HDAC9: variants seen among roughly 807,000 people sequenced by gnomAD.
The protein encoded by HDAC9 is MEF-2 interacting transcription repressor (MITR) protein.
Under a neutral mutation model 139.4 loss-of-function variants are expected in HDAC9, and 41 were observed. That is an observed-to-expected ratio of 0.29 (90% CI 0.23 to 0.38). HDAC9 has a LOEUF of 0.38. HDAC9 is among the 10% of genes least tolerant of loss of function. The probability of loss-of-function intolerance (pLI) is 1.00; values close to 1 mark genes in which losing one functional copy is unlikely to be tolerated. For missense variants in HDAC9, 1,147 were observed against 1,297.0 expected, an observed-to-expected ratio of 0.88 and a Z score of 1.78; for synonymous variants, 517 against 476.2, an observed-to-expected ratio of 1.09 and a Z score of -1.12.
At chr7:18,388,178 T>G (rs1318366188) in intron 1 of HDAC9, among the ~76,000 whole-genome samples, 1 of 152,222 alleles carries the variant, frequency 6.6e-6, no homozygotes, top group African/African-American at 2.4e-5. Context: ...CCCTGCTATA[T>G]TTGTACGTGT....
intron 22 of HDAC9, among the ~76,000 whole-genome samples, chr7:18,924,272 T>C (rs1804015265): frequency 6.6e-6 from 1 of 152,124 alleles, no homozygotes; most frequent in Non-Finnish European, 1.5e-5. Flanking sequence ...AAATCATCAA[T>C]AACAAATGTA....
intron 21 of HDAC9, among the ~76,000 whole-genome samples, chr7:18,855,311 A>G (rs1312823146): frequency 6.6e-6 from 1 of 152,182 alleles, no homozygotes; most frequent in Admixed American, 6.6e-5. Context: ...AGGGAGTTGG[A>G]AAGATTGACT....
chr7:18,526,289 C>T lies in HDAC9; in HGVS notation c.22+29965C>T, dbSNP rs143312480. ...ACTGATATACAAGTCTCCCCATTGA[C>T]CACCCCCAATGCCAAAAAGAAGCAT... On this transcript the variant is annotated intron_variant, in intron 2 of 25. Transcript: ENST00000686413. Among the ~76,000 whole-genome samples, 790 of 152,202 alleles carry T rather than the reference C, an allele frequency of 5.2e-3. 6 individuals are homozygous for T. The highest frequency in any genetic ancestry group is 8.6e-3 in the Admixed American group (132 of 15,278).
chr7:18,133,864 T>C (rs985393646), intron 1 of HDAC9, among the ~76,000 whole-genome samples: 4 of 152,076 alleles, frequency 2.6e-5, no homozygotes, highest in Non-Finnish European at 5.9e-5. Context: ...TACTTTCTTA[T>C]TTGCTTGCTT....
intron 21 of HDAC9, among the ~76,000 whole-genome samples, chr7:18,844,777 G>A (rs1395264732): frequency 2.6e-5 from 4 of 152,128 alleles, no homozygotes; most frequent in African/African-American, 9.7e-5. Context: ...AGAGATCTGG[G>A]TTTCTTATCC....
Position 18,994,949 on chromosome 7 carries a change from A to T in HDAC9, c.3171-1074A>T, listed in dbSNP as rs370167002. Among the ~76,000 whole-genome samples, 7 of 152,306 alleles carry T rather than the reference A, an allele frequency of 4.6e-5. No homozygotes were observed. In the East Asian group the frequency reaches 9.6e-4, roughly 21 times the overall value. On this transcript the variant is annotated intron_variant, in intron 25 of 25. Transcript: ENST00000686413. Reference sequence around the variant, plus strand: ...CGCTACCTAGAGAGAAGCATCATCCAAATATTTTTTCCTTCTGGTAGCAAA... The same window carrying T: ...CGCTACCTAGAGAGAAGCATCATCCTAATATTTTTTCCTTCTGGTAGCAAA...
At chr7:18,939,855 A>G (rs968568510) in intron 23 of HDAC9, among the ~76,000 whole-genome samples, 1 of 152,216 alleles carries the variant, frequency 6.6e-6, no homozygotes, top group Non-Finnish European at 1.5e-5. Context: ...TAAAGCTTGA[A>G]CTTAAAACAT....
chr7:18,791,248 G>A lies in HDAC9; in HGVS notation c.2215-2097G>A, dbSNP rs141448538. Among the ~76,000 whole-genome samples, 1,323 of 152,222 alleles carry A rather than the reference G, an allele frequency of 8.7e-3. 13 individuals carry two copies. The highest frequency in any genetic ancestry group is 0.023 in the South Asian group (113 of 4,822). ...TCCAAAGTTGAGTAAAAAGGGCTTA[G>A]GAATTTTACATGGTTCTTGAGTCAC... On this transcript the variant is annotated intron_variant, in intron 16 of 25. Coordinates refer to ENST00000686413, the MANE Select transcript of HDAC9 (RefSeq NM_178425.4).
chr7:18,319,324 A>C (rs1032558533), intron 1 of HDAC9, among the ~76,000 whole-genome samples: 1 of 152,184 alleles, frequency 6.6e-6, no homozygotes, highest in Non-Finnish European at 1.5e-5. Flanking sequence ...TATGCATTTA[A>C]ACATAAACTA....
At chr7:18,337,363 A>G (rs1444362830) in intron 1 of HDAC9, among the ~76,000 whole-genome samples, 2 of 151,712 alleles carry the variant, frequency 1.3e-5, no homozygotes, top group African/African-American at 2.4e-5. Context: ...GAGTAAGATG[A>G]TTATTTTTCT....
At chr7:18,321,283 C>A (rs1027570386) in intron 1 of HDAC9, among the ~76,000 whole-genome samples, 1 of 152,184 alleles carries the variant, frequency 6.6e-6, no homozygotes, top group East Asian at 1.9e-4. Context: ...CCTTCAGAAC[C>A]TTCATACTCT....
chr7:18,462,976 C>T (rs1793976450), intron 1 of HDAC9, among the ~76,000 whole-genome samples: 1 of 151,982 alleles, frequency 6.6e-6, no homozygotes, highest in Admixed American at 6.6e-5. Context: ...TATAGTCCTA[C>T]TGGTACTGTA....
At chr7:18,749,944 G>A (rs1283190270) in intron 14 of HDAC9, among the ~76,000 whole-genome samples, 1 of 151,998 alleles carries the variant, frequency 6.6e-6, no homozygotes, top group East Asian at 1.9e-4. Context: ...CTTTTACTGG[G>A]TCTCTGTTAG....
intron 6 of HDAC9, among the ~76,000 whole-genome samples, chr7:18,600,084 C>T (rs376684171): frequency 1.9e-4 from 29 of 151,884 alleles, no homozygotes; most frequent in East Asian, 7.8e-4. Context: ...TTTCATATGT[C>T]ATTTGCTATC....
chr7:18,451,401 G>GTGCA (rs760861605), intron 1 of HDAC9, among the ~76,000 whole-genome samples: 1 of 135,212 alleles, frequency 7.4e-6, no homozygotes, highest in Non-Finnish European at 1.6e-5. Context: ...GTGTGTGTGT[G>GTGCA]TATATATGTG....
intron 4 of HDAC9, among the ~76,000 whole-genome samples, chr7:18,590,900 T>C (rs2106506): frequency 6.6e-6 from 1 of 152,064 alleles, no homozygotes; most frequent in Non-Finnish European, 1.5e-5. Flanking sequence ...ACTCAAACTT[T>C]GAGAAGATTT....
intron 1 of HDAC9, among the ~76,000 whole-genome samples, chr7:18,303,857 G>T (rs144478008): frequency 5.6e-4 from 84 of 150,704 alleles, no homozygotes; most frequent in African/African-American, 1.7e-3. Context: ...TTTTGGTCCA[G>T]TGTCAACCTT....
chr7:18,177,061 C>A (rs979587148), intron 2 of HDAC9, among the ~76,000 whole-genome samples: 3 of 152,150 alleles, frequency 2.0e-5, no homozygotes, highest in African/African-American at 4.8e-5. Flanking sequence ...TGTCATTTTC[C>A]CTTCTGTTGG....
chr7:18,514,747 C>T (rs1379636106), intron 2 of HDAC9, among the ~76,000 whole-genome samples: 1 of 151,968 alleles, frequency 6.6e-6, no homozygotes, highest in East Asian at 1.9e-4. Context: ...TGAGACTATC[C>T]AGGGCAACAT....
Sources: allele counts gnomAD v4.1 joint callset (sites outside exome capture counted in the v4.1 genomes callset), GRCh38; gene constraint gnomAD v4.1.1; transcripts MANE v1.5; gene names NCBI Gene and HGNC (gene_info 2026-07-23, HGNC 2026-07-21).